The following KIF26B variants were observed in gnomAD, a reference collection of about 807,000 sequenced individuals.
The protein encoded by KIF26B is kinesin family member 26B, also known as kinesin-like protein KIF26B.
Under a neutral mutation model 151.2 loss-of-function variants are expected in KIF26B, and 63 were observed. The ratio of observed to expected loss-of-function variants is 0.42; its 90% confidence interval spans 0.34 to 0.51. KIF26B has a LOEUF of 0.51. KIF26B is among the 20% of genes least tolerant of loss of function. The pLI, the probability that KIF26B is intolerant of heterozygous loss-of-function variation, is 0.07. For synonymous variants in KIF26B, 1,357 were observed against 1,262.1 expected (o/e 1.08, Z -1.59); for missense variants, 2,813 against 2,913.6 (o/e 0.97, Z 0.79).
intron 4 of KIF26B, among the ~76,000 whole-genome samples, chr1:245,463,443 C>T (rs939876934): frequency 1.3e-5 from 2 of 152,148 alleles, no homozygotes; most frequent in African/African-American, 2.4e-5. Context: ...GATATACATC[C>T]GTACCATGAC....
chr1:245,644,792 T>G (rs2043929015), intron 9 of KIF26B, among the ~76,000 whole-genome samples: 1 of 152,180 alleles, frequency 6.6e-6, no homozygotes, highest in Admixed American at 6.5e-5. Flanking sequence ...GAGCCTTGAA[T>G]AGTTTTCTCA....
chr1:245,575,190 G>T (rs1334036889), intron 5 of KIF26B, among the ~76,000 whole-genome samples: 3 of 151,286 alleles, frequency 2.0e-5, no homozygotes, highest in Non-Finnish European at 4.4e-5. Flanking sequence ...AAAGAAAAAG[G>T]TAGGCTGGGG....
chr1:245,328,525 T>C (rs1672039132), intron 2 of KIF26B, among the ~76,000 whole-genome samples: 1 of 152,228 alleles, frequency 6.6e-6, no homozygotes, highest in Non-Finnish European at 1.5e-5. Context: ...AAGCATTGCC[T>C]GCCTTAATTC....
intron 12 of KIF26B, among the ~76,000 whole-genome samples, chr1:245,691,578 C>G (rs2044627363): frequency 6.6e-6 from 1 of 152,164 alleles, no homozygotes; most frequent in South Asian, 2.1e-4. Context: ...AAATCAAAAG[C>G]AACTTCTTTA....
intron 2 of KIF26B, among the ~76,000 whole-genome samples, chr1:245,278,319 C>T (rs913132733): frequency 6.6e-6 from 1 of 152,144 alleles, no homozygotes; most frequent in African/African-American, 2.4e-5. Flanking sequence ...GTTGACTATT[C>T]ATTTCTTTGC....
chr1:245,555,348 C>T (rs1428619348), intron 5 of KIF26B, among the ~76,000 whole-genome samples: 2 of 152,156 alleles, frequency 1.3e-5, no homozygotes, highest in South Asian at 2.1e-4. Flanking sequence ...TAAGATCTCT[C>T]GAGTGCTCCG....
At chr1:245,330,792 C>T (rs1381355703) in intron 2 of KIF26B, among the ~76,000 whole-genome samples, 2 of 10,362 alleles carry the variant, frequency 1.9e-4, no homozygotes, top group Non-Finnish European at 3.3e-4. Context: ...GAGGGAATAG[C>T]GGGGTAATGG....
At chr1:245,604,050 T>C (rs2043424587) in intron 6 of KIF26B, among the ~76,000 whole-genome samples, 1 of 152,078 alleles carries the variant, frequency 6.6e-6, no homozygotes, top group Non-Finnish European at 1.5e-5. Context: ...GGCCTCTAAG[T>C]GGCACGAAAC....
rs926811167 is a variant in KIF26B at position 245,667,087 on chromosome 1, A to G, written c.2259-17146A>G. ...GTCATGGCTTGTCCTCTAGGATGTG[A>G]TGGGAGGCTGAAAGCATCTCTCTGC... On this transcript the variant is annotated intron_variant, in intron 10 of 14. Transcript: ENST00000407071. This position sits in a 1 kb window ranked among gnomAD's most constrained non-coding sequence, Gnocchi z 4.3. 1.6e-4 allele frequency among the ~76,000 whole-genome samples: 24 copies of G among 151,286 alleles called. No homozygotes were observed. The highest frequency in any genetic ancestry group is 3.4e-4 in the Non-Finnish European group (23 of 68,022).
At chr1:245,421,943 G>A (rs185641432) in intron 4 of KIF26B, among the ~76,000 whole-genome samples, 8 of 152,184 alleles carry the variant, frequency 5.3e-5, no homozygotes, top group Non-Finnish European at 7.4e-5. Context: ...AATCACTAGC[G>A]AAAGCCTAGG....
intron 4 of KIF26B, among the ~76,000 whole-genome samples, chr1:245,443,182 C>A (rs1659155973): frequency 6.7e-6 from 1 of 149,424 alleles, no homozygotes; most frequent in Non-Finnish European, 1.5e-5. Context: ...GAGGTCATCT[C>A]CCTCACTGTT....
At position 245,707,149 on chromosome 1, in the gene KIF26B, T is replaced by C. The variant is rs1479830625; in HGVS notation, c.*4543T>C. ...TTTTCTGAAAATTCCTGGAAACTAATTTATCCCTCCCTAAACAAACACATT... is the reference window on the plus strand; with the variant it reads ...TTTTCTGAAAATTCCTGGAAACTAACTTATCCCTCCCTAAACAAACACATT... On this transcript the variant is annotated 3_prime_UTR_variant, in exon 15 of 15. Coordinates refer to ENST00000407071, the MANE Select transcript of KIF26B (RefSeq NM_018012.4). 6 of 152,192 alleles carry C rather than the reference T, an allele frequency of 3.9e-5. No individual in the cohort carries two copies. Among genetic ancestry groups the C allele is most frequent in the African/African-American group, 1.4e-4 (6 of 41,456 alleles). The allele number at this position is 152,192 out of a possible 1,614,324, so 9.4% of individuals were successfully genotyped here.
At chr1:245,351,678 G>A (rs1011467670) in intron 2 of KIF26B, among the ~76,000 whole-genome samples, 3 of 152,192 alleles carry the variant, frequency 2.0e-5, no homozygotes, top group Non-Finnish European at 4.4e-5. Context: ...CCAAGGCTGT[G>A]ACACTAGAAA....
At chr1:245,590,123 G>C (rs990920984) in intron 5 of KIF26B, among the ~76,000 whole-genome samples, 3 of 152,024 alleles carry the variant, frequency 2.0e-5, no homozygotes, top group Non-Finnish European at 4.4e-5. Context: ...TGGGCCCCGC[G>C]GGGTCGGGGG....
At chr1:245,235,938 T>A (rs955931397) in intron 2 of KIF26B, among the ~76,000 whole-genome samples, 1 of 151,484 alleles carries the variant, frequency 6.6e-6, no homozygotes, top group Admixed American at 6.6e-5. Context: ...TTATTTTTTT[T>A]TTTTTTTTTG....
At chr1:245,285,146 C>T (rs1362844142) in intron 2 of KIF26B, among the ~76,000 whole-genome samples, 1 of 152,250 alleles carries the variant, frequency 6.6e-6, no homozygotes, top group East Asian at 1.9e-4. Context: ...CAGCTTGGTG[C>T]CCCGCTGTGG....
chr1:245,499,024 G>A (rs577428902), intron 4 of KIF26B, among the ~76,000 whole-genome samples: 1 of 152,244 alleles, frequency 6.6e-6, no homozygotes, highest in South Asian at 2.1e-4. Flanking sequence ...GCAACCGGTT[G>A]CCAGACTAGT....
intron 9 of KIF26B, among the ~76,000 whole-genome samples, chr1:245,628,958 GACAA>G (rs1355276094): frequency 2.0e-5 from 3 of 152,190 alleles, no homozygotes; most frequent in South Asian, 2.1e-4. Context: ...ACCAACAACA[GACAA>G]ACAGAGAGCC....
chr1:245,645,210 G>A (rs2043934562), intron 9 of KIF26B, among the ~76,000 whole-genome samples: 1 of 151,678 alleles, frequency 6.6e-6, no homozygotes, highest in African/African-American at 2.4e-5. Flanking sequence ...GATTCTCAGT[G>A]TTGGAACCTG....
Sources: gnomAD v4.1 joint callset for allele counts (sites outside exome capture counted in the v4.1 genomes callset) on GRCh38, gnomAD v4.1.1 for gene constraint, Gnocchi (gnomAD v3.1) non-coding constraint, MANE v1.5 for transcripts, NCBI Gene and HGNC (gene_info 2026-07-23, HGNC 2026-07-21) for gene names.